The following PRAM1 variants were observed in gnomAD, a reference collection of about 807,000 sequenced individuals.
PRAM1 encodes PML-RARA-regulated adapter molecule 1.
PRAM1 carries 41 observed loss-of-function variants against 55.3 expected under a neutral mutation model. That is an observed-to-expected ratio of 0.74 (90% CI 0.58 to 0.96). The LOEUF (loss-of-function observed/expected upper bound fraction) is 0.96. PRAM1 is among the 40% of genes least tolerant of loss of function. The pLI, the probability that PRAM1 is intolerant of heterozygous loss-of-function variation, is 0.00. For synonymous variants in PRAM1, 401 were observed against 387.1 expected, an observed-to-expected ratio of 1.04 and a Z score of -0.42; for missense variants, 898 against 892.7, an observed-to-expected ratio of 1.01 and a Z score of -0.08.
Position 8,490,404 on chromosome 19 carries a change from A to G in PRAM1, c.1941-32T>C, listed in dbSNP as rs750274955. On this transcript the variant is annotated intron_variant, in intron 8 of 9. Coordinates refer to ENST00000423345, the MANE Select transcript of PRAM1 (RefSeq NM_032152.5). This position sits in a 1 kb window ranked among gnomAD's most constrained non-coding sequence, Gnocchi z 7.3. The stretch of plus-strand genomic sequence containing the variant: ...GAGCACAGTTGGGTCAGCAAGGGGC[A>G]CCGTGGCCCATTCCCCCCACCCTGC... 3 of 1,613,776 alleles carry G rather than the reference A, an allele frequency of 1.9e-6. No individual in the cohort carries two copies. The highest frequency in any genetic ancestry group is 1.3e-5 in the African/African-American group (1 of 74,992).
Position 8,499,275 on chromosome 19 carries a change from C to T in PRAM1, c.533G>A (p.Arg178Lys), listed in dbSNP as rs1166788736. Residue 178 changes from arginine (R) to lysine (K), a missense_variant, in exon 2 of 10, where the codon AGA becomes AAA. Physicochemically the swap from Arg to Lys is conservative, Grantham distance 26. Transcript: ENST00000423345. Reference sequence around the variant, plus strand: ...GCCGGATTTGGGTTCGGAGGGGGGTCTGGCGGGGTGACTGAGTTCGTCGGG... The same window carrying T: ...GCCGGATTTGGGTTCGGAGGGGGGTTTGGCGGGGTGACTGAGTTCGTCGGG... ...LQPDELSHPA[R>K]PPSEPKSGAF... 10 of 1,609,502 alleles carry T rather than the reference C, an allele frequency of 6.2e-6. No individual in the cohort carries two copies. The East Asian group carries it at 1.8e-4, about 29-fold the overall frequency.
At position 8,490,742 on chromosome 19, in the gene PRAM1, G is replaced by T; in HGVS notation, c.1758C>A (p.Ile586=). Residue 586 remains isoleucine, a synonymous_variant, in exon 7 of 10, where the codon ATC becomes ATA. Coordinates refer to ENST00000423345, the MANE Select transcript of PRAM1 (RefSeq NM_032152.5). This position sits in a 1 kb window ranked among gnomAD's most constrained non-coding sequence, Gnocchi z 7.3. The part of the protein sequence containing the change: ...FRKKFKFEGE[I]VVHTKMMIDP... ...CGATCATCATCTTCGTGTGAACCACGATCTCCCCTTCAAACTGGGGCGCGA... is the reference window on the plus strand; with the variant it reads ...CGATCATCATCTTCGTGTGAACCACTATCTCCCCTTCAAACTGGGGCGCGA... The T allele has an allele frequency of 1.2e-6, 2 of 1,610,052 alleles. No homozygotes were observed. Among genetic ancestry groups the T allele is most frequent in the Non-Finnish European group, 1.7e-6 (2 of 1,179,740 alleles).
intron 4 of PRAM1, 109 bp downstream of exon 4, chr19:8,497,655 G>A: frequency 1.2e-6 from 1 of 850,836 alleles, no homozygotes; most frequent in East Asian, 2.6e-5. Context: ...GTTCCACCCA[G>A]CAGGAGCCAG....
At chr19:8,501,507 ATT>A (rs773534887) in intron 1 of PRAM1, among the ~76,000 whole-genome samples, 5 of 102,854 alleles carry the variant, frequency 4.9e-5, no homozygotes, top group African/African-American at 1.2e-4. Flanking sequence ...ATGTGTCTTG[ATT>A]TTTTTTTTTT....
intron 4 of PRAM1, among the ~76,000 whole-genome samples, chr19:8,492,255 T>G (rs2396106): frequency 0.31 from 44,963 of 144,558 alleles, 7,755 homozygotes; most frequent in Middle Eastern, 0.42. Flanking sequence ...TTGTTTCTTT[T>G]GTTTTTGTTT....
intron 4 of PRAM1, 148 bp from the exon 5 acceptor site, chr19:8,491,305 C>T: frequency 1.3e-6 from 1 of 799,734 alleles, no homozygotes; most frequent in Non-Finnish European, 2.1e-6. Flanking sequence ...ACAATCTCGG[C>T]TCACTGCAAC....
chr19:8,498,089 A>T, intron 3 of PRAM1, 134 bp downstream of exon 3: 1 of 963,704 alleles, frequency 1.0e-6, no homozygotes, highest in Non-Finnish European at 1.5e-6. Flanking sequence ...CACGTTGGCC[A>T]GGCTGTTGTC....
intron 1 of PRAM1, 21 bp from the exon 2 acceptor site, chr19:8,499,801 G>C: frequency 6.4e-7 from 1 of 1,560,034 alleles, no homozygotes; most frequent in Non-Finnish European, 8.7e-7. Flanking sequence ...CAGAGCCAAT[G>C]AGGCAGGGGC....
rs1175406563 is a variant in PRAM1 at position 8,490,422 on chromosome 19, C to A, written c.1941-50G>T. ...AAGGGGCACCGTGGCCCATTCCCCC[C>A]ACCCTGCACCACACACCCCGCACTC... On this transcript the variant is annotated intron_variant, in intron 8 of 9. Coordinates refer to ENST00000423345, the MANE Select transcript of PRAM1 (RefSeq NM_032152.5). This position sits in a 1 kb window ranked among gnomAD's most constrained non-coding sequence, Gnocchi z 7.3. 12 of 1,613,582 alleles carry A rather than the reference C, an allele frequency of 7.4e-6. No individual in the cohort carries two copies. Among genetic ancestry groups the A allele is most frequent in the African/African-American group, 1.3e-5 (1 of 74,898 alleles).
intron 1 of PRAM1, among the ~76,000 whole-genome samples, chr19:8,501,919 A>G (rs1971811789): frequency 6.6e-6 from 1 of 152,136 alleles, no homozygotes; most frequent in Non-Finnish European, 1.5e-5. Flanking sequence ...GATTCACAAG[A>G]AGGCCAGGCC....
Position 8,490,891 on chromosome 19 carries a change from A to T in PRAM1, c.1739T>A (p.Phe580Tyr). The T allele has an allele frequency of 6.2e-7, 1 of 1,613,218 alleles. No homozygotes were observed. The change falls in exon 6 of 10, where the codon TTC becomes TAC. Residue 580 changes from phenylalanine (F) to tyrosine (Y), a missense_variant. Physicochemically the swap from Phe to Tyr is conservative, Grantham distance 22. Coordinates refer to ENST00000423345, the MANE Select transcript of PRAM1 (RefSeq NM_032152.5). The surrounding 1 kb of genome is among the most constrained non-coding windows in gnomAD (Gnocchi z 7.3). ...EKAEREFRKK[F>Y]KFEGEIVVHT... is the part of the protein sequence containing the mutation. ...TGCTTAGCTCAGAGGCCTCACCTTG[A>T]ACTTCTTCCGGAACTCCCTCTCGGC...
In PRAM1 at chr19:8,498,388, C is replaced by A; in HGVS notation, c.1420G>T (p.Ala474Ser). ...VDMQSFRRPS[A>S]ASIDLRRTRS... is the part of the protein sequence containing the mutation. ...CGCCCTCACCCACCTATGGATGCTGCAGAGGGTCTCCGAAAGCTCTGCATA... is the reference window on the plus strand; with the variant it reads ...CGCCCTCACCCACCTATGGATGCTGAAGAGGGTCTCCGAAAGCTCTGCATA... Residue 474 changes from alanine (A) to serine (S), a missense_variant, in exon 2 of 10, where the codon GCA (alanine) becomes TCA (serine). Coordinates refer to ENST00000423345, the MANE Select transcript of PRAM1 (RefSeq NM_032152.5). The A allele has an allele frequency of 6.3e-7, 1 of 1,579,434 alleles. No individual in the cohort carries two copies. The highest frequency in any genetic ancestry group is 8.6e-7 in the Non-Finnish European group (1 of 1,161,596).
intron 4 of PRAM1, among the ~76,000 whole-genome samples, chr19:8,492,433 T>A (rs1273703861): frequency 6.6e-6 from 1 of 150,582 alleles, no homozygotes; most frequent in Non-Finnish European, 1.5e-5. Flanking sequence ...ATTTTTGTAT[T>A]TTTAGTACAG....
At chr19:8,497,201 G>A (rs1266162186) in intron 4 of PRAM1, among the ~76,000 whole-genome samples, 1 of 146,738 alleles carries the variant, frequency 6.8e-6, no homozygotes, top group Non-Finnish European at 1.5e-5. Context: ...TTGAGACAGG[G>A]TGTTTGCTGC....
chr19:8,501,102 T>C (rs565197658), intron 1 of PRAM1, among the ~76,000 whole-genome samples: 16 of 147,906 alleles, frequency 1.1e-4, no homozygotes, highest in East Asian at 7.9e-4. Context: ...TTCTTTCTTT[T>C]TTTTTTTTTT....
At position 8,498,283 on chromosome 19, in the gene PRAM1, C is replaced by T. The variant is rs530402541; in HGVS notation, c.1439G>A (p.Arg480Gln). The T allele has an allele frequency of 2.5e-6, 4 of 1,612,036 alleles. No individual in the cohort carries two copies. The highest frequency in any genetic ancestry group is 2.5e-6 in the Non-Finnish European group (3 of 1,179,376). The change falls in exon 3 of 10, where the codon CGG (arginine) becomes CAG (glutamine). Residue 480 changes from arginine (R) to glutamine (Q), a missense_variant. Physicochemically the swap from Arg to Gln is conservative, Grantham distance 43. This residue lies in a region of PRAM1 where 787 missense variants were observed against 735.4 expected (regional missense o/e 1.07). Transcript: ENST00000423345. Reference protein sequence around the residue: ...RRPSAASIDLRRTRSAAGLHF... With the variant: ...RRPSAASIDLQRTRSAAGLHF... ...GAGCCCAGCGGCCGAGCGGGTCCTCCGTAGATCTGTGGGGTAGAGAGTAGG... is the reference window on the plus strand; with the variant it reads ...GAGCCCAGCGGCCGAGCGGGTCCTCTGTAGATCTGTGGGGTAGAGAGTAGG...
chr19:8,498,827 G>GC lies in PRAM1; in HGVS notation c.980dup (p.Gly328ArgfsTer34), dbSNP rs1229338826. On this transcript the variant is annotated frameshift_variant, in exon 2 of 10. Transcript: ENST00000423345. LOFTEE classifies it high-confidence loss of function. ...GCTCTGAGGAGGTCCTGGGGAGGCC[G>GC]CCCAGCTCGGGCTGCGGGGGCTTCT... 6.3e-7 allele frequency: 1 copy of GC among 1,595,676 alleles called. No individual in the cohort carries two copies.
rs759244523 is a variant in PRAM1 at position 8,498,776 on chromosome 19, C to A, written c.1032G>T (p.Lys344Asn). The A allele has an allele frequency of 6.3e-7, 1 of 1,575,002 alleles. No homozygotes were observed. Among genetic ancestry groups the A allele is most frequent in the African/African-American group, 1.4e-5 (1 of 74,036 alleles). Residue 344 changes from lysine to asparagine, a missense_variant, in exon 2 of 10, where the codon AAG (lysine) becomes AAT (asparagine). Lys to Asn is a moderately conservative substitution (Grantham distance 94). This residue lies in a region of PRAM1 where 787 missense variants were observed against 735.4 expected (regional missense o/e 1.07). Transcript: ENST00000423345. ...GCCCCCGGCGCTCCGGCTGCAGCAGCTTCCTGGGGAGTGAGTTGAACTCGG... is the reference window on the plus strand; with the variant it reads ...GCCCCCGGCGCTCCGGCTGCAGCAGATTCCTGGGGAGTGAGTTGAACTCGG... Reference protein sequence around the residue: ...SEPEFNSLPRKLLQPERRGPP... With the variant: ...SEPEFNSLPRNLLQPERRGPP...
chr19:8,501,455 C>T (rs950300616), intron 1 of PRAM1, among the ~76,000 whole-genome samples: 8 of 151,004 alleles, frequency 5.3e-5, no homozygotes, highest in Non-Finnish European at 1.2e-4. Context: ...TTTTCTCCAT[C>T]GTACCCACCC....
Sources: allele counts gnomAD v4.1 joint callset (sites outside exome capture counted in the v4.1 genomes callset), GRCh38; gene constraint gnomAD v4.1.1; regional missense constraint gnomAD v4.1.1; non-coding constraint Gnocchi (gnomAD v3.1); transcripts MANE v1.5; gene names NCBI Gene and HGNC (gene_info 2026-07-23, HGNC 2026-07-21).